PAPPA: variants seen among roughly 807,000 people sequenced by gnomAD.
The protein encoded by PAPPA is pappalysin 1, also known as pappalysin-1.
In PAPPA, 60 loss-of-function variants were observed where a neutral mutation model predicts 164.0. That is an observed-to-expected ratio of 0.37 (90% CI 0.30 to 0.45). The LOEUF is 0.45. Among genes scored for constraint, PAPPA ranks in the 20% least tolerant of loss-of-function variants. PAPPA has a pLI of 1.00. For missense variants in PAPPA, 1,782 were observed against 2,087.3 expected (o/e 0.85, Z 2.85); for synonymous variants, 875 against 814.1 (o/e 1.07, Z -1.27).
intron 9 of PAPPA, among the ~76,000 whole-genome samples, chr9:116,280,694 C>A (rs1054743604): frequency 6.6e-6 from 1 of 152,240 alleles, no homozygotes; most frequent in African/African-American, 2.4e-5. Flanking sequence ...GCATAATAGC[C>A]ATGTGCATGC....
intron 1 of PAPPA, among the ~76,000 whole-genome samples, chr9:116,172,750 C>T (rs1490175977): frequency 6.6e-6 from 1 of 152,164 alleles, no homozygotes; most frequent in Non-Finnish European, 1.5e-5. Flanking sequence ...AAATACTAAC[C>T]TGTCTGGTTA....
At chr9:116,360,110 G>C (rs1165554950) in intron 17 of PAPPA, among the ~76,000 whole-genome samples, 2 of 152,192 alleles carry the variant, frequency 1.3e-5, no homozygotes, top group Admixed American at 1.3e-4. Context: ...TCTCCAGCCA[G>C]CCCTGGCCCA....
intron 5 of PAPPA, 87 bp downstream of exon 5, chr9:116,220,216 G>A: frequency 3.0e-6 from 3 of 1,001,120 alleles, no homozygotes; most frequent in Non-Finnish European, 4.4e-6. Flanking sequence ...CTTGGAGAGG[G>A]ATTTTACTGC....
chr9:116,331,563 A>G (rs1262229838), intron 11 of PAPPA, among the ~76,000 whole-genome samples: 1 of 152,214 alleles, frequency 6.6e-6, no homozygotes, highest in Non-Finnish European at 1.5e-5. Flanking sequence ...TTGTTTTAGC[A>G]AAGAGTTTGG....
intron 8 of PAPPA, among the ~76,000 whole-genome samples, chr9:116,267,265 C>T (rs145588834): frequency 1.4e-3 from 212 of 152,290 alleles, no homozygotes; most frequent in African/African-American, 4.9e-3. Flanking sequence ...AACTGGAAAC[C>T]TCTGCTTTAG....
intron 9 of PAPPA, among the ~76,000 whole-genome samples, chr9:116,275,779 G>T (rs1189803409): frequency 6.6e-6 from 1 of 151,720 alleles, no homozygotes; most frequent in Non-Finnish European, 1.5e-5. Context: ...GTTTTCTCTG[G>T]CTTAGTAACA....
At chr9:116,330,085 G>A (rs2118946033) in intron 10 of PAPPA, among the ~76,000 whole-genome samples, 1 of 152,012 alleles carries the variant, frequency 6.6e-6, no homozygotes, top group Middle Eastern at 3.4e-3. Flanking sequence ...TTTTTCAATA[G>A]CATATGAGAT....
chr9:116,377,765 A>G, intron 20 of PAPPA, 118 bp downstream of exon 20: 1 of 729,200 alleles, frequency 1.4e-6, no homozygotes, highest in Non-Finnish European at 2.3e-6. Context: ...GAAAATATCC[A>G]TTTAGCAGAC....
chr9:116,248,064 G>T (rs1235614219), intron 7 of PAPPA, among the ~76,000 whole-genome samples: 1 of 152,170 alleles, frequency 6.6e-6, no homozygotes. Flanking sequence ...CACTACGCTT[G>T]TTCTTGGCCA....
chr9:116,159,810 T>C (rs1843646736), intron 1 of PAPPA, among the ~76,000 whole-genome samples: 1 of 152,162 alleles, frequency 6.6e-6, no homozygotes, highest in Non-Finnish European at 1.5e-5. Flanking sequence ...GTGTGGGTTG[T>C]GTATGGCCAG....
intron 10 of PAPPA, among the ~76,000 whole-genome samples, chr9:116,330,132 G>C (rs188748992): frequency 8.5e-5 from 13 of 152,204 alleles, no homozygotes; most frequent in African/African-American, 1.7e-4. Flanking sequence ...CTTTTCGGAT[G>C]AGTAGAATGC....
At chr9:116,379,571 C>T (rs1846700314) in intron 20 of PAPPA, among the ~76,000 whole-genome samples, 1 of 152,090 alleles carries the variant, frequency 6.6e-6, no homozygotes, top group South Asian at 2.1e-4. Context: ...ATCCATCCAT[C>T]CATCCATCCA....
rs1345673800 is a variant in PAPPA, at chr9:116,271,937, A to AC, written c.2953+523dup. On this transcript the variant is annotated intron_variant, in intron 9 of 21. Coordinates refer to ENST00000328252, the MANE Select transcript of PAPPA (RefSeq NM_002581.5). This position sits in a 1 kb window ranked among gnomAD's most constrained non-coding sequence, Gnocchi z 4.2. ...AACCTCCAGCCGTGATGCAGGAACC[A>AC]CCAAGGTCCCCTCTGCAGACTCAGA... Among the ~76,000 whole-genome samples, 2 of 152,310 alleles carry AC rather than the reference A, an allele frequency of 1.3e-5. No individual in the cohort carries two copies. The highest frequency in any genetic ancestry group is 4.8e-5 in the African/African-American group (2 of 41,564).
In PAPPA at chr9:116,211,872, G is replaced by T; in HGVS notation, c.1858G>T (p.Asp620Tyr). The T allele has an allele frequency of 2.5e-6, 4 of 1,614,122 alleles. No homozygotes were observed. Among genetic ancestry groups the T allele is most frequent in the Non-Finnish European group, 3.4e-6 (4 of 1,180,018 alleles). Residue 620 changes from aspartate to tyrosine, a missense_variant, in exon 4 of 22, where the codon GAC (aspartate) becomes TAC (tyrosine). Physicochemically the swap from Asp to Tyr is radical, Grantham distance 160. Around this residue, in one of 2 missense-constraint regions of PAPPA, gnomAD observed 1,324 missense variants for 1,656.9 expected, o/e 0.80. Transcript: ENST00000328252. ...KSCGDPGPGN[D>Y]TCGFHSFFNT... ...CTGTGGTGACCCAGGGCCAGGAAAT[G>T]ACACCTGTGGCTTTCATAGCTTCTT...
intron 11 of PAPPA, 82 bp downstream of exon 11, chr9:116,331,439 G>A: frequency 2.4e-6 from 2 of 827,230 alleles, no homozygotes; most frequent in Non-Finnish European, 4.2e-6. Context: ...TTCTGAAGAT[G>A]GGTTGTCTAC....
chr9:116,181,446 C>T (rs1009881123), intron 1 of PAPPA, among the ~76,000 whole-genome samples: 4 of 152,072 alleles, frequency 2.6e-5, no homozygotes, highest in African/African-American at 9.7e-5. Context: ...CTAATTTTCT[C>T]CTCTTATAAG....
intron 10 of PAPPA, among the ~76,000 whole-genome samples, chr9:116,317,808 A>G (rs1845805585): frequency 6.6e-6 from 1 of 152,232 alleles, no homozygotes; most frequent in African/African-American, 2.4e-5. Context: ...TCCTGTCTAG[A>G]GTTGAGTGTT....
At position 116,235,613 on chromosome 9, in the gene PAPPA, A is replaced by T; in HGVS notation, c.2708A>T (p.His903Leu). Residue 903 changes from histidine to leucine, a missense_variant, in exon 7 of 22, where the codon CAT becomes CTT. Around this residue, in one of 2 missense-constraint regions of PAPPA, gnomAD observed 1,324 missense variants for 1,656.9 expected, o/e 0.80. Transcript: ENST00000328252. Reference protein sequence around the residue: ...PLQMDVASILHLNRKFVDMDL... With the variant: ...PLQMDVASILLLNRKFVDMDL... ...CAGATGGATGTGGCCTCCATCCTAC[A>T]TCTCAATAGGAAATTCGTAGACATG... 6.2e-7 allele frequency: 1 copy of T among 1,613,230 alleles called. No individual in the cohort carries two copies. Among genetic ancestry groups the T allele is most frequent in the Non-Finnish European group, 8.5e-7 (1 of 1,179,846 alleles).
rs150243003 is a variant in PAPPA at position 116,344,669 on chromosome 9, C to T, written c.3738C>T (p.Tyr1246=). The T allele has an allele frequency of 2.9e-3, 4,701 of 1,614,124 alleles. 129 individuals are homozygous for T. In the South Asian group the frequency reaches 0.045, roughly 15 times the overall value. Residue 1246 remains tyrosine (Y), a synonymous_variant, in exon 14 of 22, where the codon TAC becomes TAT. Coordinates refer to ENST00000328252, the MANE Select transcript of PAPPA (RefSeq NM_002581.5). ...AQCTVSCRTG[Y]VLQIRRDDEL... is the part of the protein sequence containing the mutation. Reference sequence around the variant, plus strand: ...GTACTGTGAGCTGCCGGACAGGCTACGTGCTCCAGATACGGCGGGATGATG... The same window carrying T: ...GTACTGTGAGCTGCCGGACAGGCTATGTGCTCCAGATACGGCGGGATGATG...
Sources: gnomAD v4.1 joint callset for allele counts (sites outside exome capture counted in the v4.1 genomes callset) on GRCh38, gnomAD v4.1.1 for gene constraint, gnomAD v4.1.1 regional missense constraint, Gnocchi (gnomAD v3.1) non-coding constraint, MANE v1.5 for transcripts, NCBI Gene and HGNC (gene_info 2026-07-23, HGNC 2026-07-21) for gene names.